Variants in FANCC observed in about 807,000 individuals in gnomAD.
The protein encoded by FANCC is FA complementation group C, also known as Fanconi anemia group C protein.
Under a neutral mutation model 71.3 loss-of-function variants are expected in FANCC, and 55 were observed. The ratio of observed to expected loss-of-function variants is 0.77; its 90% CI spans 0.62 to 0.97. The LOEUF (loss-of-function observed/expected upper bound fraction) is 0.97, where lower values mean the gene tolerates loss of function less well. Ranked by LOEUF, FANCC falls within the 50% of genes least tolerant of loss-of-function variation. FANCC has a pLI of 0.00. For missense variants in FANCC, 678 were observed against 670.9 expected, an observed-to-expected ratio of 1.01 and a Z score of -0.12; for synonymous variants, 275 against 244.9, an observed-to-expected ratio of 1.12 and a Z score of -1.15.
intron 13 of FANCC, chr9:95,109,707 G>C (rs2071755263): frequency 6.6e-6 from 1 of 152,212 alleles, no homozygotes; most frequent in Admixed American, 6.5e-5. Flanking sequence ...AGTGACGCCA[G>C]GCCCAGCACA....
chr9:95,234,453 T>C (rs944434427), intron 4 of FANCC, among the ~76,000 whole-genome samples: 4 of 152,206 alleles, frequency 2.6e-5, no homozygotes, highest in Non-Finnish European at 5.9e-5. Context: ...ACAAGTTATT[T>C]TGTGTTTTAG....
At chr9:95,239,014 C>G (rs1830484956) in intron 4 of FANCC, among the ~76,000 whole-genome samples, 1 of 152,176 alleles carries the variant, frequency 6.6e-6, no homozygotes. Context: ...CACTTAAGTA[C>G]CCACAGTTCC....
At chr9:95,312,157 CGT>C (rs768703104) in intron 1 of FANCC, among the ~76,000 whole-genome samples, 1 of 152,194 alleles carries the variant, frequency 6.6e-6, no homozygotes, top group African/African-American at 2.4e-5. Context: ...CTCACACAAA[CGT>C]GTCTTTCGTC....
intron 4 of FANCC, among the ~76,000 whole-genome samples, chr9:95,201,269 C>T (rs965854926): frequency 6.6e-6 from 1 of 152,136 alleles, no homozygotes; most frequent in Non-Finnish European, 1.5e-5. Flanking sequence ...CACCCACCCG[C>T]TTGCACTGCT....
At chr9:95,303,387 C>T (rs1439961814) in intron 1 of FANCC, among the ~76,000 whole-genome samples, 2 of 152,190 alleles carry the variant, frequency 1.3e-5, no homozygotes, top group African/African-American at 4.8e-5. Context: ...AACACACGCG[C>T]ACCAGCATCA....
intron 4 of FANCC, among the ~76,000 whole-genome samples, chr9:95,210,373 C>A (rs1828414876): frequency 6.6e-6 from 1 of 151,712 alleles, no homozygotes; most frequent in African/African-American, 2.4e-5. Context: ...GTTAAAAAAG[C>A]AAGAGAAGTC....
intron 4 of FANCC, among the ~76,000 whole-genome samples, chr9:95,234,034 A>T (rs1361846424): frequency 6.6e-6 from 1 of 152,182 alleles, no homozygotes; most frequent in African/African-American, 2.4e-5. Flanking sequence ...TGATTATGCT[A>T]TCTAACTAAA....
intron 1 of FANCC, chr9:95,293,966 C>G (rs1332634481): frequency 1.9e-6 from 3 of 1,585,460 alleles, no homozygotes; most frequent in Non-Finnish European, 8.7e-7. Context: ...GAGATAGTAA[C>G]TCATAGTTTG....
chr9:95,248,843 G>A (rs1356226863), intron 2 of FANCC, among the ~76,000 whole-genome samples: 5 of 152,106 alleles, frequency 3.3e-5, no homozygotes, highest in Non-Finnish European at 7.4e-5. Context: ...GCCTTCAAAA[G>A]AATCCCATTT....
intron 1 of FANCC, chr9:95,292,626 A>C: frequency 4.2e-6 from 6 of 1,424,302 alleles, no homozygotes; most frequent in South Asian, 2.3e-5. Context: ...CCTGCCCAAC[A>C]GCCCCGCGCT....
intron 7 of FANCC, among the ~76,000 whole-genome samples, chr9:95,138,472 T>C (rs1228832345): frequency 6.6e-6 from 1 of 152,218 alleles, no homozygotes; most frequent in Non-Finnish European, 1.5e-5. Context: ...AGGGTGCTCG[T>C]AGCTTCCATC....
At chr9:95,150,195 CT>C in intron 6 of FANCC, 108 bp from the exon 7 acceptor site, 1 of 1,142,546 alleles carries the variant, frequency 8.8e-7, no homozygotes, top group South Asian at 1.3e-5. Flanking sequence ...CCTGTTTTGC[CT>C]CTAAATAAAG....
chr9:95,188,545 A>T (rs1826877181), intron 4 of FANCC, among the ~76,000 whole-genome samples: 1 of 152,252 alleles, frequency 6.6e-6, no homozygotes, highest in Admixed American at 6.5e-5. Flanking sequence ...ATTTCCATCC[A>T]GTGAAAAGCA....
intron 1 of FANCC, among the ~76,000 whole-genome samples, chr9:95,277,563 A>G (rs1323979454): frequency 6.6e-6 from 1 of 152,250 alleles, no homozygotes; most frequent in East Asian, 1.9e-4. Context: ...GCACTTGGGA[A>G]CATCAACAAA....
At chr9:95,249,097 A>G in intron 2 of FANCC, 30 bp downstream of exon 2, 3 of 1,611,660 alleles carry the variant, frequency 1.9e-6, no homozygotes, top group Non-Finnish European at 1.7e-6. Context: ...AAGTCAGAAA[A>G]TAATTTCATT....
chr9:95,242,865 G>GCCCT (rs1830719109), intron 3 of FANCC, among the ~76,000 whole-genome samples: 1 of 152,166 alleles, frequency 6.6e-6, no homozygotes, highest in East Asian at 1.9e-4. Context: ...CTCCCTGGAG[G>GCCCT]CCCTGAGCTC....
At chr9:95,180,994 G>A (rs968966146) in intron 4 of FANCC, among the ~76,000 whole-genome samples, 4 of 151,976 alleles carry the variant, frequency 2.6e-5, no homozygotes, top group Admixed American at 6.6e-5. Flanking sequence ...TGCATTGCAC[G>A]AGCTGACTTT....
intron 4 of FANCC, among the ~76,000 whole-genome samples, chr9:95,214,889 GA>G (rs1273463231): frequency 3.9e-5 from 6 of 152,164 alleles, no homozygotes; most frequent in Non-Finnish European, 7.3e-5. Context: ...TTCACAATAT[GA>G]AAAGAGTTCT....
intron 7 of FANCC, among the ~76,000 whole-genome samples, chr9:95,146,471 G>T (rs1460747134): frequency 9.7e-6 from 1 of 102,868 alleles, no homozygotes; most frequent in African/African-American, 4.0e-5. Flanking sequence ...CTATGTGACA[G>T]AGTGAGACCC....
Sources: allele counts gnomAD v4.1 joint callset (sites outside exome capture counted in the v4.1 genomes callset), GRCh38; gene constraint gnomAD v4.1.1; transcripts MANE v1.5; gene names NCBI Gene and HGNC (gene_info 2026-07-23, HGNC 2026-07-21).